HS6ST2: variants seen among roughly 807,000 people sequenced by gnomAD.
The protein encoded by HS6ST2 is heparan-sulfate 6-O-sulfotransferase 2.
A neutral mutation model predicts 33.0 loss-of-function variants in HS6ST2; 17 were observed. That is an observed-to-expected ratio of 0.52 (90% CI 0.35 to 0.77). The LOEUF (loss-of-function observed/expected upper bound fraction) is 0.77, where lower values mean the gene tolerates loss of function less well. HS6ST2 is among the 30% of genes least tolerant of loss of function. HS6ST2 has a pLI of 0.01. For synonymous variants in HS6ST2, 248 were observed against 237.1 expected, an observed-to-expected ratio of 1.05 and a Z score of -0.42; for missense variants, 519 against 551.7, an observed-to-expected ratio of 0.94 and a Z score of 0.59.
At chrX:132,882,556 T>C (rs2066189506) in intron 2 of HS6ST2, among the ~76,000 whole-genome samples, 2 of 105,769 alleles carry the variant, frequency 1.9e-5, no homozygotes, top group Non-Finnish European at 3.9e-5. Context: ...AAATATACAA[T>C]CATGTCATCT....
At chrX:132,720,059 G>A (rs1035163281) in intron 2 of HS6ST2, among the ~76,000 whole-genome samples, 13 of 112,394 alleles carry the variant, frequency 1.2e-4, no homozygotes, top group African/African-American at 4.2e-4. Flanking sequence ...TCCAACACTA[G>A]GCAGTACTTG....
chrX:132,868,451 C>T (rs2066017155), intron 2 of HS6ST2, among the ~76,000 whole-genome samples: 1 of 112,268 alleles, frequency 8.9e-6, no homozygotes, highest in African/African-American at 3.2e-5. Context: ...CTACAGAATT[C>T]TCCACCCCAA....
intron 4 of HS6ST2, among the ~76,000 whole-genome samples, chrX:132,656,023 G>A (rs1374816015): frequency 9.0e-6 from 1 of 111,269 alleles, no homozygotes; most frequent in Non-Finnish European, 1.9e-5. Flanking sequence ...CCAGTTTAAG[G>A]AAATGGAGTG....
chrX:132,643,693 C>T (rs1186995370), intron 4 of HS6ST2, among the ~76,000 whole-genome samples: 1 of 111,417 alleles, frequency 9.0e-6, no homozygotes, highest in Non-Finnish European at 1.9e-5. Flanking sequence ...CTTAAGATGA[C>T]CAATGAACAG....
intron 2 of HS6ST2, among the ~76,000 whole-genome samples, chrX:132,924,696 T>C (rs1016605628): frequency 2.7e-5 from 3 of 111,016 alleles, no homozygotes; most frequent in Admixed American, 1.9e-4. Flanking sequence ...GGGTTTAAGA[T>C]TGAGTTGTTG....
chrX:132,839,272 GTATATATATATA>G (rs748319681), intron 2 of HS6ST2, among the ~76,000 whole-genome samples: 31 of 62,789 alleles, frequency 4.9e-4, no homozygotes, highest in South Asian at 3.8e-3. Context: ...TGTAGTGTGT[GTATATATATATA>G]TATATATATA....
intron 3 of HS6ST2, among the ~76,000 whole-genome samples, chrX:132,678,846 C>T (rs1271745168): frequency 4.5e-5 from 5 of 112,272 alleles, no homozygotes; most frequent in African/African-American, 6.5e-5. Context: ...CACTGTTAAA[C>T]GCTAAACCTT....
intron 2 of HS6ST2, among the ~76,000 whole-genome samples, chrX:132,771,264 T>C (rs2064896213): frequency 8.9e-6 from 1 of 112,355 alleles, no homozygotes; most frequent in African/African-American, 3.2e-5. Flanking sequence ...CTTTGGGTTG[T>C]GACACTGCAG....
chrX:132,817,554 G>C (rs573809045), intron 2 of HS6ST2, among the ~76,000 whole-genome samples: 1 of 111,613 alleles, frequency 9.0e-6, no homozygotes, highest in East Asian at 2.8e-4. Flanking sequence ...CTTTTCATTC[G>C]TCCAGCCAAG....
intron 2 of HS6ST2, among the ~76,000 whole-genome samples, chrX:132,869,280 A>G (rs960705890): frequency 9.0e-6 from 1 of 111,529 alleles, no homozygotes; most frequent in South Asian, 3.8e-4. Context: ...AAATTGAGGC[A>G]GTAATAGCCT....
At chrX:132,786,276 G>A (rs1436023307) in intron 2 of HS6ST2, among the ~76,000 whole-genome samples, 3 of 111,867 alleles carry the variant, frequency 2.7e-5, no homozygotes, top group African/African-American at 6.5e-5. Flanking sequence ...TAGAGCCTCT[G>A]CCAGATGTGG....
chrX:132,801,444 A>G (rs2148353720), intron 2 of HS6ST2, among the ~76,000 whole-genome samples: 1 of 112,123 alleles, frequency 8.9e-6, no homozygotes, highest in African/African-American at 3.2e-5. Flanking sequence ...AATATTGATT[A>G]TGAGACAAAG....
chrX:132,649,834 G>A (rs74651634), intron 4 of HS6ST2, among the ~76,000 whole-genome samples: 1 of 103,637 alleles, frequency 9.6e-6, no homozygotes, highest in East Asian at 3.0e-4. Context: ...CTCCAGCCTG[G>A]GTGACAGAGC....
chrX:132,941,438 C>A (rs1050337449), intron 2 of HS6ST2, among the ~76,000 whole-genome samples: 2 of 111,874 alleles, frequency 1.8e-5, no homozygotes, highest in Admixed American at 1.9e-4. Context: ...GTCTCTAAAA[C>A]CCTCACTAAT....
At chrX:132,881,323 C>T (rs1201922600) in intron 2 of HS6ST2, among the ~76,000 whole-genome samples, 1 of 111,141 alleles carries the variant, frequency 9.0e-6, no homozygotes, top group East Asian at 2.8e-4. Flanking sequence ...GCCATTCTAA[C>T]TGGTGTGAGA....
rs1369110907 is a variant in HS6ST2 at position 132,655,533 on chromosome X, T to C, written c.1067+13580A>G. ...CAAGGTACTAGAGCTGGGATAGAAATACATATCTTATCTATTTTGAAAGAA... is the reference window on the plus strand; with the variant it reads ...CAAGGTACTAGAGCTGGGATAGAAACACATATCTTATCTATTTTGAAAGAA... On this transcript the variant is annotated intron_variant, in intron 4 of 4. Transcript: ENST00000370833. Among the ~76,000 whole-genome samples, 6 of 111,362 alleles carry C rather than the reference T, an allele frequency of 5.4e-5. 1 individual carries two copies. The highest frequency in any genetic ancestry group is 1.1e-4 in the Non-Finnish European group (6 of 53,072).
At chrX:132,763,018 G>C (rs1256985432) in intron 2 of HS6ST2, among the ~76,000 whole-genome samples, 1 of 111,942 alleles carries the variant, frequency 8.9e-6, no homozygotes, top group East Asian at 2.8e-4. Flanking sequence ...ATCCTCACTA[G>C]GTTGTTGTGA....
At chrX:132,817,420 G>T (rs907453399) in intron 2 of HS6ST2, among the ~76,000 whole-genome samples, 1 of 111,426 alleles carries the variant, frequency 9.0e-6, no homozygotes, top group Non-Finnish European at 1.9e-5. Context: ...GTTGGGAGAA[G>T]AATGGGCTTG....
chrX:132,835,697 C>A (rs2065635025), intron 2 of HS6ST2, among the ~76,000 whole-genome samples: 1 of 112,159 alleles, frequency 8.9e-6, no homozygotes, highest in Admixed American at 9.4e-5. Flanking sequence ...AGGCAGATCA[C>A]CTGAGGTCAG....
Sources: gnomAD v4.1 joint callset for allele counts (sites outside exome capture counted in the v4.1 genomes callset) on GRCh38, gnomAD v4.1.1 for gene constraint, MANE v1.5 for transcripts, NCBI Gene and HGNC (gene_info 2026-07-23, HGNC 2026-07-21) for gene names.